SRGAP1: variants seen among roughly 807,000 people sequenced by gnomAD.
SRGAP1 encodes SLIT-ROBO Rho GTPase-activating protein 1.
Under a neutral mutation model 121.9 loss-of-function variants are expected in SRGAP1, and 43 were observed. The ratio of observed to expected loss-of-function variants is 0.35; its 90% CI spans 0.28 to 0.46. The LOEUF (loss-of-function observed/expected upper bound fraction) is 0.46, where lower values mean the gene tolerates loss of function less well. SRGAP1 is among the 20% of genes least tolerant of loss of function. SRGAP1 has a pLI of 1.00. For synonymous variants in SRGAP1, 447 were observed against 485.4 expected, an observed-to-expected ratio of 0.92 and a Z score of 1.04; for missense variants, 1,102 against 1,350.9, an observed-to-expected ratio of 0.82 and a Z score of 2.89.
chr12:64,127,764 C>T (rs1315464271), intron 20 of SRGAP1, 40 bp downstream of exon 20: 3 of 1,608,024 alleles, frequency 1.9e-6, no homozygotes, highest in African/African-American at 1.3e-5. Context: ...AGCCTCCGCT[C>T]CTCCTGGGGC....
chr12:64,059,477 ATTT>A (rs2035405912), intron 6 of SRGAP1, among the ~76,000 whole-genome samples: 1 of 151,844 alleles, frequency 6.6e-6, no homozygotes, highest in African/African-American at 2.4e-5. Context: ...CTTGATTTCA[ATTT>A]TTTAAGTCCC....
rs952898855 is a variant in SRGAP1, at chr12:64,103,096, C to G, written c.1813+5721C>G. Among the ~76,000 whole-genome samples, 25 of 152,320 alleles carry G rather than the reference C, an allele frequency of 1.6e-4. No individual in the cohort carries two copies. In the East Asian group the frequency reaches 1.9e-3, roughly 12 times the overall value. On this transcript the variant is annotated intron_variant, in intron 15 of 21. Transcript: ENST00000355086. ...CTAGGCTAAAGTGATCCTCCCCCCT[C>G]AGCCTCCCAAGTAGCTGGGACCACA... is the stretch of plus-strand genomic sequence containing the variant.
In SRGAP1 at chr12:64,028,879, T is replaced by C. The variant is rs552985714; in HGVS notation, c.489+11867T>C. 2.6e-5 allele frequency among the ~76,000 whole-genome samples: 4 copies of C among 152,334 alleles called. No homozygotes were observed. The South Asian group carries it at 8.3e-4, about 32-fold the overall frequency. ...GTGATAGAAGAGTGGGGTACTTTAT[T>C]ACTTGTGTTGCATTCGTGAAGCATT... On this transcript the variant is annotated intron_variant, in intron 4 of 21. Coordinates refer to ENST00000355086, the MANE Select transcript of SRGAP1 (RefSeq NM_020762.4).
intron 2 of SRGAP1, among the ~76,000 whole-genome samples, chr12:63,984,578 G>C (rs1211120978): frequency 1.3e-5 from 2 of 152,046 alleles, no homozygotes; most frequent in Non-Finnish European, 2.9e-5. Flanking sequence ...TCATGTTTAT[G>C]GTCATTGTAA....
chr12:63,889,951 A>G (rs1017229103), intron 1 of SRGAP1, among the ~76,000 whole-genome samples: 6 of 151,880 alleles, frequency 4.0e-5, no homozygotes, highest in African/African-American at 1.2e-4. Flanking sequence ...GTTATTTAGT[A>G]TTTATTTACC....
intron 3 of SRGAP1, among the ~76,000 whole-genome samples, chr12:63,996,428 A>G (rs1248862940): frequency 6.6e-6 from 1 of 152,032 alleles, no homozygotes; most frequent in South Asian, 2.1e-4. Flanking sequence ...ATTTAAATCT[A>G]TGATTTTTTT....
chr12:63,978,637 A>G (rs892035862), intron 1 of SRGAP1, among the ~76,000 whole-genome samples: 2 of 152,110 alleles, frequency 1.3e-5, no homozygotes, highest in African/African-American at 4.8e-5. Context: ...CCTTTCAGCT[A>G]TTATGAGCAA....
chr12:64,065,791 AT>A (rs1019321752), intron 8 of SRGAP1, among the ~76,000 whole-genome samples: 6 of 152,170 alleles, frequency 3.9e-5, no homozygotes, highest in Admixed American at 2.6e-4. Context: ...TATTCTCTAA[AT>A]TTTTGGTACT....
At chr12:64,091,743 G>C (rs1217989893) in intron 12 of SRGAP1, 1 of 588,248 alleles carries the variant, frequency 1.7e-6, no homozygotes, top group Non-Finnish European at 2.9e-6. Context: ...TGTTAGGATA[G>C]CTCTGAAACA....
At chr12:63,937,167 T>C (rs1262274204) in intron 1 of SRGAP1, among the ~76,000 whole-genome samples, 1 of 152,164 alleles carries the variant, frequency 6.6e-6, no homozygotes, top group African/African-American at 2.4e-5. Context: ...GCACATTGGT[T>C]GGTCATGATA....
At chr12:64,137,268 C>CAA (rs60729208) in intron 21 of SRGAP1, among the ~76,000 whole-genome samples, 34 of 119,008 alleles carry the variant, frequency 2.9e-4, no homozygotes, top group South Asian at 1.0e-3. Context: ...GACTCCGTCT[C>CAA]AAAAAAAAAA....
chr12:63,932,729 T>A (rs901985861), intron 1 of SRGAP1, among the ~76,000 whole-genome samples: 2 of 152,176 alleles, frequency 1.3e-5, no homozygotes, highest in African/African-American at 4.8e-5. Context: ...CCATTGGCAT[T>A]TAAGATTGCA....
At chr12:64,055,475 C>A (rs1313152392) in intron 6 of SRGAP1, among the ~76,000 whole-genome samples, 3 of 151,514 alleles carry the variant, frequency 2.0e-5, no homozygotes, top group South Asian at 2.1e-4. Flanking sequence ...GCTACCAATG[C>A]CTTTCTTCAC....
chr12:63,945,870 C>T (rs1002891369), intron 1 of SRGAP1, among the ~76,000 whole-genome samples: 4 of 152,174 alleles, frequency 2.6e-5, no homozygotes, highest in Non-Finnish European at 4.4e-5. Flanking sequence ...AGTCCCAGCA[C>T]TTCAGTCTCA....
At chr12:63,853,392 T>C (rs1899139651) in intron 1 of SRGAP1, among the ~76,000 whole-genome samples, 1 of 152,214 alleles carries the variant, frequency 6.6e-6, no homozygotes, top group Admixed American at 6.5e-5. Context: ...GCTGGAAACA[T>C]TCTAAATGTC....
chr12:64,047,765 A>G (rs1284389239), intron 6 of SRGAP1, among the ~76,000 whole-genome samples: 2 of 152,156 alleles, frequency 1.3e-5, no homozygotes, highest in African/African-American at 4.8e-5. Flanking sequence ...AGAAACTATT[A>G]TAGAAGCAGT....
At chr12:64,069,276 A>G (rs903001618) in intron 8 of SRGAP1, among the ~76,000 whole-genome samples, 7 of 152,194 alleles carry the variant, frequency 4.6e-5, no homozygotes, top group African/African-American at 1.7e-4. Flanking sequence ...AGAGAGCAGT[A>G]CACACTTGTG....
At chr12:64,121,026 T>TC (rs1565689594) in intron 18 of SRGAP1, among the ~76,000 whole-genome samples, 2 of 147,344 alleles carry the variant, frequency 1.4e-5, no homozygotes, top group Non-Finnish European at 1.5e-5. Context: ...TTTTTTTTTT[T>TC]CTGTGAGACA....
chr12:63,978,520 G>T (rs967099247), intron 1 of SRGAP1, among the ~76,000 whole-genome samples: 2 of 152,168 alleles, frequency 1.3e-5, no homozygotes, highest in African/African-American at 2.4e-5. Context: ...GTTCATCCAT[G>T]TTGTAAATAA....
Sources: gnomAD v4.1 joint callset for allele counts (sites outside exome capture counted in the v4.1 genomes callset) on GRCh38, gnomAD v4.1.1 for gene constraint, MANE v1.5 for transcripts, NCBI Gene and HGNC (gene_info 2026-07-23, HGNC 2026-07-21) for gene names.